The following ABR variants were observed in gnomAD, a reference collection of about 807,000 sequenced individuals.
ABR encodes ABR activator of RhoGEF and GTPase.
Under a neutral mutation model 107.2 loss-of-function variants are expected in ABR, and 35 were observed. The ratio of observed to expected loss-of-function variants is 0.33; its 90% confidence interval spans 0.25 to 0.43. The LOEUF is 0.43. Ranked by LOEUF, ABR falls within the 20% of genes least tolerant of loss-of-function variation. The pLI, the probability that ABR is intolerant of heterozygous loss-of-function variation, is 1.00. For synonymous variants in ABR, 498 were observed against 462.0 expected (o/e 1.08, Z -1.00); for missense variants, 815 against 1,115.2 (o/e 0.73, Z 3.83).
At position 1,032,452 on chromosome 17, in the gene ABR, C is replaced by A. The variant is rs60075774; in HGVS notation, c.1791+17598G>T. On this transcript the variant is annotated intron_variant, in intron 16 of 22. Transcript: ENST00000302538. ...CAAAAGCCCGAAACGACGCGGGTCA[C>A]ACGTCCAGCCAGAGATGCCTCTTGA... Among the ~76,000 whole-genome samples, 281 of 152,324 alleles carry A rather than the reference C, an allele frequency of 1.8e-3. 1 individual carries two copies. The East Asian group carries it at 0.027, about 15-fold the overall frequency.
intron 1 of ABR, among the ~76,000 whole-genome samples, chr17:1,167,263 C>T (rs555716933): frequency 6.6e-6 from 1 of 152,198 alleles, no homozygotes; most frequent in East Asian, 1.9e-4. Context: ...ATCCTCCCTG[C>T]TCCAGGACTC....
intron 2 of ABR, among the ~76,000 whole-genome samples, chr17:1,101,843 C>G (rs1225036179): frequency 6.6e-6 from 1 of 152,042 alleles, no homozygotes; most frequent in African/African-American, 2.4e-5. Flanking sequence ...ACGCCATTCT[C>G]CTGCCTCAGC....
At chr17:1,228,212 TAAG>T (rs2043258229) in intron 1 of ABR, 1 of 152,258 alleles carries the variant, frequency 6.6e-6, no homozygotes, top group Non-Finnish European at 1.5e-5. Flanking sequence ...CGCCGCCTTC[TAAG>T]AAGAAAACGA....
intron 1 of ABR, among the ~76,000 whole-genome samples, chr17:1,215,603 T>C (rs11871469): frequency 0.96 from 146,547 of 152,106 alleles, 70,833 homozygotes; most frequent in East Asian, 1. Context: ...CTCCACCTCC[T>C]AGCCGCCTGC....
At chr17:1,186,784 C>T (rs954080152) in intron 1 of ABR, 1 of 152,382 alleles carries the variant, frequency 6.6e-6, no homozygotes, top group African/African-American at 2.4e-5. Flanking sequence ...CTGGAGCCCC[C>T]TACTCATTTA....
At chr17:1,101,639 G>C (rs759398835) in intron 2 of ABR, among the ~76,000 whole-genome samples, 11 of 152,090 alleles carry the variant, frequency 7.2e-5, no homozygotes, top group Non-Finnish European at 1.3e-4. Flanking sequence ...AATATTTACT[G>C]AATGTCCACC....
intron 14 of ABR, among the ~76,000 whole-genome samples, chr17:1,054,455 G>A (rs1426682285): frequency 6.7e-6 from 1 of 149,020 alleles, no homozygotes; most frequent in Non-Finnish European, 1.5e-5. Context: ...GCAGGATGGG[G>A]GCACAAGGAA....
chr17:1,069,259 G>C (rs968664460), intron 9 of ABR, among the ~76,000 whole-genome samples: 3 of 152,132 alleles, frequency 2.0e-5, no homozygotes, highest in Admixed American at 2.0e-4. Flanking sequence ...GCTTCAGTGG[G>C]GGACGGGGTT....
chr17:1,068,654 C>T (rs1034525906), intron 9 of ABR, among the ~76,000 whole-genome samples: 19 of 152,160 alleles, frequency 1.2e-4, no homozygotes, highest in Non-Finnish European at 2.2e-4. Context: ...CAGAGCAGAC[C>T]CACACTCCCG....
At chr17:1,134,458 A>G (rs990809840) in intron 1 of ABR, among the ~76,000 whole-genome samples, 4 of 152,144 alleles carry the variant, frequency 2.6e-5, no homozygotes, top group African/African-American at 9.7e-5. Context: ...TAAATAAAAG[A>G]ACAGAGCCAT....
chr17:1,147,343 A>G (rs962043800), intron 1 of ABR, among the ~76,000 whole-genome samples: 1 of 148,838 alleles, frequency 6.7e-6, no homozygotes, highest in Admixed American at 6.9e-5. Context: ...TTTCAGCAGT[A>G]ATTTGTGGGG....
intron 10 of ABR, 124 bp from the exon 11 acceptor site, chr17:1,058,991 T>C: frequency 7.1e-7 from 1 of 1,407,010 alleles, no homozygotes; most frequent in African/African-American, 1.4e-5. Flanking sequence ...CGTGATGTTT[T>C]GACATCTTGT....
intron 1 of ABR, among the ~76,000 whole-genome samples, chr17:1,186,486 G>T (rs1004994735): frequency 6.6e-6 from 1 of 152,214 alleles, no homozygotes; most frequent in African/African-American, 2.4e-5. Flanking sequence ...GCAGGATAAA[G>T]CACAGTGACA....
At chr17:1,033,800 C>G (rs2072979135) in intron 16 of ABR, among the ~76,000 whole-genome samples, 1 of 152,084 alleles carries the variant, frequency 6.6e-6, no homozygotes, top group South Asian at 2.1e-4. Context: ...TAGGAACATG[C>G]CTGTGTCCCC....
Position 1,003,720 on chromosome 17 carries a change from T to C in ABR, c.*2360A>G, listed in dbSNP as rs2150671514. The C allele has an allele frequency of 1.3e-5, 2 of 152,578 alleles. 1 individual carries two copies. The allele number at this position is 152,578 out of a possible 1,614,324, so 9.5% of individuals were successfully genotyped here. On this transcript the variant is annotated 3_prime_UTR_variant, in exon 23 of 23. Coordinates refer to ENST00000302538, the MANE Select transcript of ABR (RefSeq NM_021962.5). ...AGCAGAAACTGGCAGCCATCAGCCATTGCCCAGCAAGAACAGGCAGACCTG... is the reference window on the plus strand; with the variant it reads ...AGCAGAAACTGGCAGCCATCAGCCACTGCCCAGCAAGAACAGGCAGACCTG...
chr17:1,061,719 G>A (rs1477053066), intron 10 of ABR, among the ~76,000 whole-genome samples: 1 of 152,002 alleles, frequency 6.6e-6, no homozygotes, highest in Non-Finnish European at 1.5e-5. Flanking sequence ...GCTAACTTTT[G>A]TATTTTTCAT....
intron 6 of ABR, among the ~76,000 whole-genome samples, chr17:1,077,356 G>A (rs1244565225): frequency 6.6e-6 from 1 of 152,168 alleles, no homozygotes; most frequent in African/African-American, 2.4e-5. Context: ...TCCCAGGTCC[G>A]TTTCACTGAG....
upstream of ABR, chr17:1,184,940 A>T (rs1362618528): frequency 6.6e-6 from 1 of 152,182 alleles, no homozygotes; most frequent in Non-Finnish European, 1.5e-5. Context: ...CAGAAGAAGA[A>T]ATTGAGGTGC....
At chr17:1,114,523 A>T (rs1168700624) in intron 2 of ABR, among the ~76,000 whole-genome samples, 1 of 150,542 alleles carries the variant, frequency 6.6e-6, no homozygotes, top group Non-Finnish European at 1.5e-5. Flanking sequence ...CTGTAATCCC[A>T]GCACTTTGGG....
Sources: gnomAD v4.1 joint callset for allele counts (sites outside exome capture counted in the v4.1 genomes callset) on GRCh38, gnomAD v4.1.1 for gene constraint, MANE v1.5 for transcripts, NCBI Gene and HGNC (gene_info 2026-07-23, HGNC 2026-07-21) for gene names.